The following ZFAT variants were observed in gnomAD, a reference collection of about 807,000 sequenced individuals.
ZFAT encodes the protein zinc finger protein ZFAT.
A neutral mutation model predicts 117.7 loss-of-function variants in ZFAT; 64 were observed. The ratio of observed to expected loss-of-function variants is 0.54; its 90% CI spans 0.44 to 0.67. The LOEUF is 0.67. Among genes scored for constraint, ZFAT ranks in the 30% least tolerant of loss-of-function variants. The probability of loss-of-function intolerance (pLI) is 0.00; values close to 1 mark genes in which losing one functional copy is unlikely to be tolerated. For synonymous variants in ZFAT, 679 were observed against 615.0 expected (o/e 1.10, Z -1.54); for missense variants, 1,433 against 1,584.5 (o/e 0.90, Z 1.62).
At chr8:134,514,503 G>A (rs1376152041) in intron 13 of ZFAT, among the ~76,000 whole-genome samples, 2 of 151,988 alleles carry the variant, frequency 1.3e-5, no homozygotes, top group African/African-American at 4.8e-5. Flanking sequence ...CATTTTTGAG[G>A]GCCTCCAGGG....
chr8:134,504,458 C>T (rs564001641), intron 15 of ZFAT, among the ~76,000 whole-genome samples: 12 of 152,230 alleles, frequency 7.9e-5, no homozygotes, highest in African/African-American at 1.2e-4. Context: ...AGAAAGGGCA[C>T]GGTGCAGTAG....
chr8:134,502,103 T>G (rs577092495), intron 15 of ZFAT, among the ~76,000 whole-genome samples: 1 of 152,238 alleles, frequency 6.6e-6, no homozygotes, highest in African/African-American at 2.4e-5. Context: ...TGAAGCCTCA[T>G]AGAGTCACTT....
chr8:134,827,766 TAAA>T, the ZFAT span, among the ~76,000 whole-genome samples: 1 of 114,746 alleles, frequency 8.7e-6, no homozygotes, highest in African/African-American at 3.3e-5. Flanking sequence ...AGACTCTGTC[TAAA>T]AAAAAAAAAA....
chr8:134,745,420 C>T, the ZFAT span, among the ~76,000 whole-genome samples: 1 of 152,098 alleles, frequency 6.6e-6, no homozygotes, highest in Non-Finnish European at 1.5e-5. Context: ...AAAGGTTCTG[C>T]CCTGAGTCTA....
chr8:134,539,177 C>T (rs1257217210), intron 11 of ZFAT, among the ~76,000 whole-genome samples: 3 of 152,132 alleles, frequency 2.0e-5, no homozygotes, highest in African/African-American at 7.2e-5. Flanking sequence ...TTCCCATCAG[C>T]ACCAAGGAAG....
chr8:134,560,105 T>C (rs979958294), intron 11 of ZFAT, among the ~76,000 whole-genome samples: 2 of 152,184 alleles, frequency 1.3e-5, no homozygotes, highest in African/African-American at 4.8e-5. Context: ...TACCAAACTA[T>C]CTGGGGAGGG....
chr8:134,705,784 C>A (rs1263268114), intron 1 of ZFAT, among the ~76,000 whole-genome samples: 1 of 151,968 alleles, frequency 6.6e-6, no homozygotes, highest in African/African-American at 2.4e-5. Flanking sequence ...GGTGATCCAC[C>A]CGCCTTGGCC....
At chr8:134,595,463 T>C (rs1826855991) in intron 7 of ZFAT, among the ~76,000 whole-genome samples, 1 of 152,180 alleles carries the variant, frequency 6.6e-6, no homozygotes, top group Non-Finnish European at 1.5e-5. Flanking sequence ...TCCGTTTTTA[T>C]AGATGAGAAA....
At position 134,565,332 on chromosome 8, in the gene ZFAT, C is replaced by A. The variant is rs770958871; in HGVS notation, c.2976+1G>T. On this transcript the variant is annotated splice_donor_variant, in intron 11 of 15. Coordinates refer to ENST00000377838, the MANE Select transcript of ZFAT (RefSeq NM_020863.4). LOFTEE classifies it high-confidence loss of function. ...TGCCTTCTTCTCCAGAGCCCTCTTACCTTGAAGGAGACATGCTGTTCCATG... is the reference window on the plus strand; with the variant it reads ...TGCCTTCTTCTCCAGAGCCCTCTTAACTTGAAGGAGACATGCTGTTCCATG... The A allele has an allele frequency of 1.2e-6, 2 of 1,613,628 alleles. No homozygotes were observed. The highest frequency in any genetic ancestry group is 1.7e-6 in the Non-Finnish European group (2 of 1,179,820).
chr8:134,521,564 T>A lies in ZFAT; in HGVS notation c.3116-563A>T, dbSNP rs578122650. On this transcript the variant is annotated intron_variant, in intron 12 of 15. Coordinates refer to ENST00000377838, the MANE Select transcript of ZFAT (RefSeq NM_020863.4). ...GAAACGTCATTATTTATTGAACTGA[T>A]TAAATTTTGCACACGTTCCAGGAAG... 1.5e-4 allele frequency among the ~76,000 whole-genome samples: 23 copies of A among 152,242 alleles called. No individual in the cohort carries two copies. The East Asian group carries it at 4.4e-3, about 29-fold the overall frequency.
chr8:134,539,234 T>TAA (rs1228721609), intron 11 of ZFAT, among the ~76,000 whole-genome samples: 3 of 152,180 alleles, frequency 2.0e-5, no homozygotes, highest in African/African-American at 7.2e-5. Context: ...GGTGATGAGG[T>TAA]AATGTTCAAG....
the ZFAT span, among the ~76,000 whole-genome samples, chr8:134,743,818 C>T: frequency 1.3e-5 from 2 of 152,192 alleles, no homozygotes; most frequent in Admixed American, 1.3e-4. Context: ...CCACCTTTTC[C>T]TACTTGCCAG....
chr8:134,789,211 A>G, the ZFAT span, among the ~76,000 whole-genome samples: 1 of 152,168 alleles, frequency 6.6e-6, no homozygotes, highest in South Asian at 2.1e-4. Context: ...CCTTGTCTTC[A>G]TAGTCTAAAA....
At chr8:134,565,288 C>A (rs761520348) in intron 11 of ZFAT, 45 bp downstream of exon 11, 1 of 1,610,458 alleles carries the variant, frequency 6.2e-7, no homozygotes, top group Admixed American at 1.7e-5. Flanking sequence ...AAAAGCAACG[C>A]CTTTTTTGTC....
the ZFAT span, among the ~76,000 whole-genome samples, chr8:134,726,071 C>G: frequency 6.6e-6 from 1 of 152,146 alleles, no homozygotes; most frequent in African/African-American, 2.4e-5. Flanking sequence ...AGACAAGAGT[C>G]CTCCTTTCAT....
intron 15 of ZFAT, among the ~76,000 whole-genome samples, chr8:134,489,380 C>G (rs1223574622): frequency 5.3e-5 from 8 of 152,060 alleles, no homozygotes; most frequent in Admixed American, 5.2e-4. Context: ...CCCAGTGCTC[C>G]CCAGGCCTGC....
At chr8:134,518,017 T>C (rs1031184168) in intron 13 of ZFAT, among the ~76,000 whole-genome samples, 2 of 152,176 alleles carry the variant, frequency 1.3e-5, no homozygotes, top group African/African-American at 4.8e-5. Flanking sequence ...AATTAACAAA[T>C]ATTTGGAAGG....
In ZFAT at chr8:134,649,384, C is replaced by T. The variant is rs997710798; in HGVS notation, c.196+8177G>A. On this transcript the variant is annotated intron_variant, in intron 2 of 15. Transcript: ENST00000377838. ...GAAAAAGTAAAATTATCTCTAGTCACAGATGACAAGATTATATGTAAAGAC... is the reference window on the plus strand; with the variant it reads ...GAAAAAGTAAAATTATCTCTAGTCATAGATGACAAGATTATATGTAAAGAC... Among the ~76,000 whole-genome samples the T allele has an allele frequency of 2.6e-5, 4 of 152,158 alleles. No individual in the cohort carries two copies. The East Asian group carries it at 7.7e-4, about 29-fold the overall frequency.
intron 15 of ZFAT, among the ~76,000 whole-genome samples, chr8:134,490,137 A>T (rs4909628): frequency 0.79 from 120,402 of 152,166 alleles, 48,495 homozygotes; most frequent in African/African-American, 0.93. Flanking sequence ...GTTATGTGGA[A>T]CAGCATAGAA....
Sources: allele counts gnomAD v4.1 joint callset (sites outside exome capture counted in the v4.1 genomes callset), GRCh38; gene constraint gnomAD v4.1.1; transcripts MANE v1.5; gene names NCBI Gene and HGNC (gene_info 2026-07-23, HGNC 2026-07-21).